Variants in ADAMTS17 observed in about 807,000 individuals in gnomAD.
The protein encoded by ADAMTS17 is ADAM metallopeptidase with thrombospondin type 1 motif 17.
Under a neutral mutation model 141.5 loss-of-function variants are expected in ADAMTS17, and 113 were observed. The ratio of observed to expected loss-of-function variants is 0.80; its 90% confidence interval spans 0.69 to 0.93. The LOEUF is 0.93. Ranked by LOEUF, ADAMTS17 falls within the 40% of genes least tolerant of loss-of-function variation. The probability of loss-of-function intolerance (pLI) is 0.00; values close to 1 mark genes in which losing one functional copy is unlikely to be tolerated. For synonymous variants in ADAMTS17, 768 were observed against 630.6 expected, an observed-to-expected ratio of 1.22 and a Z score of -3.27; for missense variants, 1,659 against 1,517.9, an observed-to-expected ratio of 1.09 and a Z score of -1.54.
At chr15:100,082,112 C>G (rs12901567) in intron 15 of ADAMTS17, among the ~76,000 whole-genome samples, 24,108 of 152,038 alleles carry the variant, frequency 0.16, 2,432 homozygotes, top group East Asian at 0.51. Context: ...GTTGCCCAGG[C>G]TGGAGTGCAG....
chr15:100,281,130 T>C (rs2044265868), intron 4 of ADAMTS17, 99 bp downstream of exon 4: 2 of 1,514,350 alleles, frequency 1.3e-6, no homozygotes, highest in African/African-American at 2.7e-5. Flanking sequence ...ACCCAGCGTC[T>C]TCCTCACTTG....
rs183862140 is a variant in ADAMTS17 at position 100,020,538 on chromosome 15, C to T, written c.2592-22949G>A. Among the ~76,000 whole-genome samples, 553 of 152,296 alleles carry T rather than the reference C, an allele frequency of 3.6e-3. 14 individuals are homozygous for T. Among genetic ancestry groups the T allele is most frequent in the Admixed American group, 0.031 (470 of 15,300 alleles). On this transcript the variant is annotated intron_variant, in intron 18 of 21. Transcript: ENST00000268070. ...CAAGCTGCAGGTTCACTCCCTGACT[C>T]CCCCAGAGCCATCAGGAGCCAGCCA... is the stretch of plus-strand genomic sequence containing the variant.
intron 15 of ADAMTS17, among the ~76,000 whole-genome samples, chr15:100,058,795 G>A (rs1478203890): frequency 6.6e-6 from 1 of 152,212 alleles, no homozygotes; most frequent in Non-Finnish European, 1.5e-5. Flanking sequence ...GTGTCAGGAA[G>A]AGGGCTACTG....
At chr15:100,193,839 G>A (rs964851352) in intron 8 of ADAMTS17, among the ~76,000 whole-genome samples, 9 of 152,318 alleles carry the variant, frequency 5.9e-5, no homozygotes, top group South Asian at 4.1e-4. Context: ...GTGCAGGGAC[G>A]GCAGGGGAAA....
chr15:100,170,530 G>T (rs2040120784), intron 8 of ADAMTS17, among the ~76,000 whole-genome samples: 1 of 152,136 alleles, frequency 6.6e-6, no homozygotes, highest in African/African-American at 2.4e-5. Context: ...ACATCAAATT[G>T]GGAACCATTG....
Position 100,336,172 on chromosome 15 carries a change from C to T in ADAMTS17, c.450+4867G>A, listed in dbSNP as rs144218842. 9.2e-3 allele frequency among the ~76,000 whole-genome samples: 1,398 copies of T among 152,348 alleles called. 15 individuals are homozygous for T. The highest frequency in any genetic ancestry group is 0.032 in the South Asian group (155 of 4,828). On this transcript the variant is annotated intron_variant, in intron 2 of 21. Transcript: ENST00000268070. ...GGGAAAATCTAACGTGTGTCCTAGACGATGCTGGTGGGCAGCCTGGTGCAG... is the reference window on the plus strand; with the variant it reads ...GGGAAAATCTAACGTGTGTCCTAGATGATGCTGGTGGGCAGCCTGGTGCAG...
intron 7 of ADAMTS17, among the ~76,000 whole-genome samples, chr15:100,230,025 C>T (rs1267487333): frequency 1.3e-5 from 2 of 152,238 alleles, no homozygotes; most frequent in African/African-American, 4.8e-5. Flanking sequence ...TCTGCCCCCA[C>T]TGCCAACCAC....
At chr15:100,223,972 T>C (rs2042222399) in intron 7 of ADAMTS17, among the ~76,000 whole-genome samples, 1 of 152,082 alleles carries the variant, frequency 6.6e-6, no homozygotes, top group African/African-American at 2.4e-5. Flanking sequence ...GCAGGAAGCA[T>C]CCAGCATGGG....
intron 13 of ADAMTS17, among the ~76,000 whole-genome samples, chr15:100,110,051 A>T (rs2036656590): frequency 6.6e-6 from 1 of 151,774 alleles, no homozygotes; most frequent in Admixed American, 6.6e-5. Flanking sequence ...GATGACTTTT[A>T]TTCATCTTCA....
chr15:99,995,450 G>A (rs1315442313), intron 19 of ADAMTS17, among the ~76,000 whole-genome samples: 1 of 152,236 alleles, frequency 6.6e-6, no homozygotes, highest in Non-Finnish European at 1.5e-5. Context: ...GCAGGCTGCT[G>A]AGGACGGCTC....
At chr15:100,122,476 C>A (rs2037499579) in intron 12 of ADAMTS17, among the ~76,000 whole-genome samples, 1 of 152,324 alleles carries the variant, frequency 6.6e-6, no homozygotes, top group East Asian at 1.9e-4. Flanking sequence ...AGGGCCTCTA[C>A]AGTAACATCA....
At position 100,341,160 on chromosome 15, in the gene ADAMTS17, T is replaced by C; in HGVS notation, c.329A>G (p.Glu110Gly). The C allele has an allele frequency of 6.9e-7, 1 of 1,455,648 alleles. No individual in the cohort carries two copies. Among genetic ancestry groups the C allele is most frequent in the Non-Finnish European group, 9.0e-7 (1 of 1,109,196 alleles). 90.2% of individuals were successfully genotyped at this position (1,455,648 alleles called of 1,614,324 possible). The change falls in exon 2 of 22, where the codon GAG becomes GGG. Residue 110 changes from glutamate to glycine, a missense_variant. By Grantham distance (98) the Glu-to-Gly change is moderately conservative. Coordinates refer to ENST00000268070, the MANE Select transcript of ADAMTS17 (RefSeq NM_139057.4). Reference protein sequence around the residue: ...LRFLSRGFEVEEAGAARRRGR... With the variant: ...LRFLSRGFEVGEAGAARRRGR... The stretch of plus-strand genomic sequence containing the variant: ...GCGGCGCCGGGCCGCGCCCGCCTCC[T>C]CCACCTCGAAGCCTCGGGACAGGAA...
Position 100,109,073 on chromosome 15 carries a change from G to A in ADAMTS17, c.1932C>T (p.Ser644=). Residue 644 remains serine (S), a synonymous_variant, in exon 14 of 22, where the codon TCC becomes TCT. Coordinates refer to ENST00000268070, the MANE Select transcript of ADAMTS17 (RefSeq NM_139057.4). The part of the protein sequence containing the change: ...ELYCSPLGKE[S]PLLVADRVLD... ...GGACCCTGTCGGCCACCAGCAGTGG[G>A]GACTCCTTCCCGAGGGGCGAGCAGT... 1 of 1,613,810 alleles carries A rather than the reference G, an allele frequency of 6.2e-7. No homozygotes were observed. The highest frequency in any genetic ancestry group is 8.5e-7 in the Non-Finnish European group (1 of 1,179,948).
At position 100,229,969 on chromosome 15, in the gene ADAMTS17, A is replaced by T. The variant is rs1242091728; in HGVS notation, c.1075+24167T>A. 5.3e-5 allele frequency among the ~76,000 whole-genome samples: 8 copies of T among 152,238 alleles called. No individual in the cohort carries two copies. The East Asian group carries it at 1.5e-3, about 29-fold the overall frequency. On this transcript the variant is annotated intron_variant, in intron 7 of 21. Coordinates refer to ENST00000268070, the MANE Select transcript of ADAMTS17 (RefSeq NM_139057.4). ...GCCTGCCTGTGTTGGCCTCCCTCAC[A>T]GCTAAGGAGGATGCACCCACAGCAC...
At chr15:100,223,727 T>C (rs1484267191) in intron 7 of ADAMTS17, among the ~76,000 whole-genome samples, 1 of 147,070 alleles carries the variant, frequency 6.8e-6, no homozygotes, top group African/African-American at 2.7e-5. Flanking sequence ...ATATAGTGTA[T>C]ATATACACAT....
At chr15:100,020,852 A>G (rs1400265227) in intron 18 of ADAMTS17, among the ~76,000 whole-genome samples, 4 of 152,176 alleles carry the variant, frequency 2.6e-5, no homozygotes, top group Non-Finnish European at 1.5e-5. Flanking sequence ...TTTGGAGACC[A>G]TGACGTGTCA....
chr15:100,297,939 G>C (rs2044881777), intron 3 of ADAMTS17, among the ~76,000 whole-genome samples: 1 of 152,148 alleles, frequency 6.6e-6, no homozygotes, highest in South Asian at 2.1e-4. Context: ...GGAAAGTGAA[G>C]TCCTGAGAGG....
intron 3 of ADAMTS17, among the ~76,000 whole-genome samples, chr15:100,316,369 G>A (rs1313481394): frequency 6.6e-6 from 1 of 152,198 alleles, no homozygotes; most frequent in Non-Finnish European, 1.5e-5. Context: ...AGAAATTTGG[G>A]AGCCAAGAAC....
chr15:100,142,284 C>G (rs773717438), intron 10 of ADAMTS17, among the ~76,000 whole-genome samples: 1 of 152,108 alleles, frequency 6.6e-6, no homozygotes, highest in Non-Finnish European at 1.5e-5. Flanking sequence ...ATCTGCAGGA[C>G]GTGAGAAAGG....
Sources: allele counts gnomAD v4.1 joint callset (sites outside exome capture counted in the v4.1 genomes callset), GRCh38; gene constraint gnomAD v4.1.1; transcripts MANE v1.5; gene names NCBI Gene and HGNC (gene_info 2026-07-23, HGNC 2026-07-21).